ARHGEF28: variants seen among roughly 807,000 people sequenced by gnomAD.
The protein encoded by ARHGEF28 is 190 kDa guanine nucleotide exchange factor.
A neutral mutation model predicts 206.6 loss-of-function variants in ARHGEF28; 152 were observed. The ratio of observed to expected loss-of-function variants is 0.74; its 90% confidence interval spans 0.64 to 0.84. The LOEUF is 0.84. Ranked by LOEUF, ARHGEF28 falls within the 40% of genes least tolerant of loss-of-function variation. The pLI is 0.00. For missense variants in ARHGEF28, 2,028 were observed against 2,073.2 expected (o/e 0.98, Z 0.42); for synonymous variants, 763 against 776.4 (o/e 0.98, Z 0.29).
chr5:73,869,947 T>G, intron 20 of ARHGEF28, 122 bp from the exon 21 acceptor site: 4 of 1,161,398 alleles, frequency 3.4e-6, no homozygotes, highest in Non-Finnish European at 3.6e-6. Context: ...TATGTTTTGG[T>G]TTAGTAGTTT....
At chr5:73,937,227 C>T (rs1322649609) in intron 35 of ARHGEF28, among the ~76,000 whole-genome samples, 2 of 152,274 alleles carry the variant, frequency 1.3e-5, no homozygotes, top group Admixed American at 6.5e-5. Flanking sequence ...ATGTGGATAC[C>T]TGTAATTTTT....
rs376376497 is a variant in ARHGEF28, at chr5:73,873,256, G to T, written c.2814+10G>T. On this transcript the variant is annotated intron_variant, in intron 22 of 35. Coordinates refer to ENST00000513042, the MANE Select transcript of ARHGEF28 (RefSeq NM_001177693.2). ...TATTTTGGTACAACAGGTAAGAAGA[G>T]CTTAAAGTCCTTGACCTTTATGACG... 8.7e-6 allele frequency: 14 copies of T among 1,603,020 alleles called. No homozygotes were observed. Among genetic ancestry groups the T allele is most frequent in the Non-Finnish European group, 1.2e-5 (14 of 1,172,656 alleles).
intron 12 of ARHGEF28, among the ~76,000 whole-genome samples, chr5:73,848,606 TAG>T (rs200714444): frequency 0.069 from 10,511 of 152,170 alleles, 396 homozygotes; most frequent in South Asian, 0.078. Context: ...AGAATTTTGT[TAG>T]AGGGCTACAG....
At chr5:73,755,325 G>A (rs1463596039) in intron 4 of ARHGEF28, among the ~76,000 whole-genome samples, 1 of 151,262 alleles carries the variant, frequency 6.6e-6, no homozygotes, top group African/African-American at 2.4e-5. Context: ...TTGGGGGGGT[G>A]TGGATCCATT....
chr5:73,860,341 A>G (rs1273940918), intron 16 of ARHGEF28, among the ~76,000 whole-genome samples: 2 of 152,120 alleles, frequency 1.3e-5, no homozygotes, highest in Non-Finnish European at 2.9e-5. Flanking sequence ...CACTTTGGAG[A>G]ATTATGGTAA....
intron 16 of ARHGEF28, among the ~76,000 whole-genome samples, chr5:73,858,852 T>TA (rs1387715307): frequency 6.6e-6 from 1 of 152,210 alleles, no homozygotes; most frequent in Admixed American, 6.5e-5. Context: ...CTGAAGTCCT[T>TA]AAGTGCTTAC....
chr5:73,752,453 A>G (rs115480812), intron 3 of ARHGEF28, among the ~76,000 whole-genome samples: 1,649 of 152,252 alleles, frequency 0.011, 32 homozygotes, highest in African/African-American at 0.037. Context: ...AAGGAGCTCT[A>G]TGGAATTAGG....
intron 35 of ARHGEF28, among the ~76,000 whole-genome samples, chr5:73,924,637 G>C (rs1763701766): frequency 6.6e-6 from 1 of 152,052 alleles, no homozygotes; most frequent in Non-Finnish European, 1.5e-5. Flanking sequence ...GCCTCATTTG[G>C]GTATCACATG....
chr5:73,685,062 T>C (rs1344517931), intron 2 of ARHGEF28, among the ~76,000 whole-genome samples, 178 bp downstream of exon 2: 1 of 152,224 alleles, frequency 6.6e-6, no homozygotes, highest in African/African-American at 2.4e-5. Context: ...ACTGGTTGGC[T>C]CCTGTTTTAA....
intron 29 of ARHGEF28, among the ~76,000 whole-genome samples, chr5:73,896,403 G>T (rs1449382563): frequency 1.3e-5 from 2 of 151,522 alleles, no homozygotes; most frequent in African/African-American, 4.9e-5. Flanking sequence ...ATCATTGTAG[G>T]CTGTGTTTAA....
chr5:73,674,008 TAAAAAA>T (rs35528097), intron 1 of ARHGEF28, among the ~76,000 whole-genome samples: 1 of 134,338 alleles, frequency 7.4e-6, no homozygotes, highest in African/African-American at 2.8e-5. Context: ...TCCATCTCTT[TAAAAAA>T]AAAAAAAAAA....
At position 73,867,829 on chromosome 5, in the gene ARHGEF28, T is replaced by C. The variant is rs757246098; in HGVS notation, c.2153-47T>C. On this transcript the variant is annotated intron_variant, in intron 18 of 35. Coordinates refer to ENST00000513042, the MANE Select transcript of ARHGEF28 (RefSeq NM_001177693.2). Reference sequence around the variant, plus strand: ...GCTTTTAAGTGACTACTTTTACTTGTAATTACTGACCTGGAAACCACATGA... The same window carrying C: ...GCTTTTAAGTGACTACTTTTACTTGCAATTACTGACCTGGAAACCACATGA... 3.7e-6 allele frequency: 6 copies of C among 1,611,790 alleles called. No homozygotes were observed. The Admixed American group carries it at 5.0e-5, about 13-fold the overall frequency.
chr5:73,632,307 A>G (rs1383663179), intron 1 of ARHGEF28, among the ~76,000 whole-genome samples: 1 of 152,202 alleles, frequency 6.6e-6, no homozygotes, highest in East Asian at 1.9e-4. Flanking sequence ...AAACTGTATC[A>G]ACCTGCATGG....
In ARHGEF28 at chr5:73,941,023, C is replaced by A; in HGVS notation, c.*10C>A. The A allele has an allele frequency of 4.1e-6, 6 of 1,469,604 alleles. No homozygotes were observed. Among genetic ancestry groups the A allele is most frequent in the South Asian group, 1.4e-5 (1 of 72,546 alleles). The allele number at this position is 1,469,604 out of a possible 1,614,324, so 91.0% of individuals were successfully genotyped here. ...TATTGTTTACCTCTAATTGTGTTGTCATTTTTCCAAACAAAACAAAACACT... is the reference window on the plus strand; with the variant it reads ...TATTGTTTACCTCTAATTGTGTTGTAATTTTTCCAAACAAAACAAAACACT... On this transcript the variant is annotated 3_prime_UTR_variant, in exon 36 of 36. Coordinates refer to ENST00000513042, the MANE Select transcript of ARHGEF28 (RefSeq NM_001177693.2).
At position 73,940,871 on chromosome 5, in the gene ARHGEF28, C is replaced by G. The variant is rs1330153186; in HGVS notation, c.4976C>G (p.Pro1659Arg). The change falls in exon 36 of 36, where the codon CCA becomes CGA. Residue 1659 changes from proline to arginine, a missense_variant. Around this residue, in one of 3 missense-constraint regions of ARHGEF28, gnomAD observed 803 missense variants for 768.0 expected, o/e 1.05. Transcript: ENST00000513042. ...TTGGACACCTCCCACACTGAGTCCC[C>G]AACCCCCCATGACTCAAATTCACAC... is the stretch of plus-strand genomic sequence containing the variant. Reference protein sequence around the residue: ...NDLDTSHTESPTPHDSNSHRP... With the variant: ...NDLDTSHTESRTPHDSNSHRP... 8.5e-6 allele frequency: 13 copies of G among 1,527,056 alleles called. No individual in the cohort carries two copies. Among genetic ancestry groups the G allele is most frequent in the Non-Finnish European group, 1.0e-5 (12 of 1,144,224 alleles). 94.6% of individuals were successfully genotyped at this position (1,527,056 alleles called of 1,614,324 possible).
chr5:73,697,779 C>T (rs1489292921), intron 2 of ARHGEF28, among the ~76,000 whole-genome samples: 1 of 152,168 alleles, frequency 6.6e-6, no homozygotes, highest in Non-Finnish European at 1.5e-5. Context: ...AAGTTACTAC[C>T]TTAGTTGATT....
At chr5:73,632,424 C>T (rs888839037) in intron 1 of ARHGEF28, among the ~76,000 whole-genome samples, 22 of 152,206 alleles carry the variant, frequency 1.4e-4, no homozygotes, top group Non-Finnish European at 3.2e-4. Flanking sequence ...CATGGCCTAT[C>T]TCCAAATGGT....
rs147747588 is a variant in ARHGEF28, at chr5:73,824,538, C to T, written c.1025-7800C>T. Among the ~76,000 whole-genome samples, 1,349 of 151,492 alleles carry T rather than the reference C, an allele frequency of 8.9e-3. 23 individuals carry two copies. The highest frequency in any genetic ancestry group is 0.03 in the African/African-American group (1,232 of 41,234). Reference sequence around the variant, plus strand: ...AGGCTGGAGTGCGGTAGCATGATCTCGGCTCACTGCAACCTCTGCCTCCCA... The same window carrying T: ...AGGCTGGAGTGCGGTAGCATGATCTTGGCTCACTGCAACCTCTGCCTCCCA... On this transcript the variant is annotated intron_variant, in intron 9 of 35. Coordinates refer to ENST00000513042, the MANE Select transcript of ARHGEF28 (RefSeq NM_001177693.2).
intron 35 of ARHGEF28, chr5:73,923,221 A>G: frequency 6.9e-7 from 1 of 1,453,338 alleles, no homozygotes; most frequent in African/African-American, 1.4e-5. Context: ...TCAACTACCT[A>G]CATAATTTGG....
Sources: gnomAD v4.1 joint callset for allele counts (sites outside exome capture counted in the v4.1 genomes callset) on GRCh38, gnomAD v4.1.1 for gene constraint, gnomAD v4.1.1 regional missense constraint, MANE v1.5 for transcripts, NCBI Gene and HGNC (gene_info 2026-07-23, HGNC 2026-07-21) for gene names.